SYNE1: variants seen among roughly 807,000 people sequenced by gnomAD.
SYNE1 encodes nesprin-1.
In SYNE1, 616 loss-of-function variants were observed where a neutral mutation model predicts 1,111.0. That is an observed-to-expected ratio of 0.55 (90% CI 0.52 to 0.59). SYNE1 has a LOEUF of 0.59. SYNE1 is among the 20% of genes least tolerant of loss of function. SYNE1 has a pLI of 0.00. For synonymous variants in SYNE1, 3,855 were observed against 3,825.8 expected (o/e 1.01, Z -0.28); for missense variants, 10,006 against 10,417.0 (o/e 0.96, Z 1.72).
At chr6:152,614,863 T>C (rs1158506705) in intron 3 of SYNE1, among the ~76,000 whole-genome samples, 1 of 152,214 alleles carries the variant, frequency 6.6e-6, no homozygotes, top group African/African-American at 2.4e-5. Flanking sequence ...ACCATCATTC[T>C]CAGCAAACTA....
At chr6:152,369,420 GGACGGACAAA>G (rs1302368464) in intron 60 of SYNE1, 41 bp downstream of exon 60, 1 of 1,613,456 alleles carries the variant, frequency 6.2e-7, no homozygotes, top group Middle Eastern at 1.7e-4. Context: ...GGTCGACAGA[GGACGGACAAA>G]GACTAGGTCA....
intron 56 of SYNE1, among the ~76,000 whole-genome samples, chr6:152,379,715 G>A (rs919792919): frequency 6.6e-6 from 1 of 152,166 alleles, no homozygotes; most frequent in Non-Finnish European, 1.5e-5. Context: ...CATACACAGA[G>A]GGCTGTCACA....
At chr6:152,445,036 T>A (rs1224123152) in intron 29 of SYNE1, among the ~76,000 whole-genome samples, 1 of 152,088 alleles carries the variant, frequency 6.6e-6, no homozygotes, top group East Asian at 1.9e-4. Flanking sequence ...AATTTCATAA[T>A]CATTTATGGG....
intron 5 of SYNE1, among the ~76,000 whole-genome samples, chr6:152,523,824 T>A (rs2099151743): frequency 6.6e-6 from 1 of 152,136 alleles, no homozygotes; most frequent in Non-Finnish European, 1.5e-5. Flanking sequence ...AGGAATTGAA[T>A]TACTGATACT....
chr6:152,594,439 A>C (rs1368990331), intron 3 of SYNE1, among the ~76,000 whole-genome samples: 2 of 152,154 alleles, frequency 1.3e-5, no homozygotes, highest in Non-Finnish European at 2.9e-5. Flanking sequence ...TGTTTGCTCT[A>C]TCCAAAGATG....
At chr6:152,288,306 T>C (rs1258452976) in intron 95 of SYNE1, among the ~76,000 whole-genome samples, 1 of 152,196 alleles carries the variant, frequency 6.6e-6, no homozygotes, top group African/African-American at 2.4e-5. Context: ...AAAGTCCTTG[T>C]TAGATCTCAT....
At chr6:152,391,030 T>C (rs1445984421) in intron 52 of SYNE1, among the ~76,000 whole-genome samples, 2 of 152,248 alleles carry the variant, frequency 1.3e-5, no homozygotes, top group Admixed American at 6.5e-5. Flanking sequence ...AGAGTAGATA[T>C]TCAGTAACGC....
At chr6:152,167,117 T>A (rs1156444787) in intron 130 of SYNE1, among the ~76,000 whole-genome samples, 1 of 152,192 alleles carries the variant, frequency 6.6e-6, no homozygotes, top group Non-Finnish European at 1.5e-5. Context: ...TGTAAGTCCC[T>A]GCAGCTTATG....
chr6:152,152,151 C>T lies in SYNE1; in HGVS notation c.24130-10G>A. ...CCTGTCGCTGGAAAGCCTAAGGCCA[C>T]AGAGAAGCATATCAGTGTGAGAAAT... On this transcript the variant is annotated splice_polypyrimidine_tract_variant and intron_variant, in intron 133 of 145. Coordinates refer to ENST00000367255, the MANE Select transcript of SYNE1 (RefSeq NM_182961.4). 1 of 1,613,590 alleles carries T rather than the reference C, an allele frequency of 6.2e-7. No homozygotes were observed. The highest frequency in any genetic ancestry group is 8.5e-7 in the Non-Finnish European group (1 of 1,179,780).
rs540859614 is a variant in SYNE1, at chr6:152,318,281, T to C, written c.16390-18A>G. The C allele has an allele frequency of 1.2e-6, 2 of 1,614,032 alleles. No individual in the cohort carries two copies. The highest frequency in any genetic ancestry group is 1.1e-5 in the South Asian group (1 of 91,082). The stretch of plus-strand genomic sequence containing the variant: ...CCCAGCACCTTGATGGTCACCAAAA[T>C]GAAAGAACATTAGAGTACAGAAAAT... On this transcript the variant is annotated intron_variant, in intron 85 of 145. Transcript: ENST00000367255.
intron 121 of SYNE1, among the ~76,000 whole-genome samples, chr6:152,217,222 G>A (rs1354742632): frequency 2.0e-5 from 3 of 147,972 alleles, no homozygotes; most frequent in South Asian, 2.1e-4. Flanking sequence ...ATGAAACCCC[G>A]TCTCTACTAA....
At chr6:152,622,430 C>A (rs1254464543) in intron 3 of SYNE1, among the ~76,000 whole-genome samples, 1 of 152,088 alleles carries the variant, frequency 6.6e-6, no homozygotes, top group Non-Finnish European at 1.5e-5. Context: ...AGCCTCCACC[C>A]TCCAATGGGC....
intron 103 of SYNE1, 44 bp from the exon 104 acceptor site, chr6:152,255,133 A>G (rs2090492246): frequency 7.0e-7 from 1 of 1,433,526 alleles, no homozygotes; most frequent in South Asian, 1.2e-5. Flanking sequence ...AGATACATGA[A>G]TTGATATGCA....
chr6:152,387,406 A>C, intron 53 of SYNE1, 25 bp from the exon 54 acceptor site: 1 of 1,609,654 alleles, frequency 6.2e-7, no homozygotes, highest in Non-Finnish European at 8.5e-7. Flanking sequence ...ACATATTAAC[A>C]AAAATGAATT....
intron 93 of SYNE1, among the ~76,000 whole-genome samples, chr6:152,299,633 T>C (rs1478164286): frequency 3.9e-5 from 6 of 151,970 alleles, no homozygotes; most frequent in Non-Finnish European, 8.8e-5. Flanking sequence ...TCCTGATTTT[T>C]ACCAAGAGAA....
In SYNE1 at chr6:152,326,039, A is replaced by G. The variant is rs751898242; in HGVS notation, c.15357T>C (p.Asp5119=). The G allele has an allele frequency of 6.2e-7, 1 of 1,614,158 alleles. No homozygotes were observed. Among genetic ancestry groups the G allele is most frequent in the Non-Finnish European group, 8.5e-7 (1 of 1,180,022 alleles). The change falls in exon 80 of 146, where the codon GAT becomes GAC. Residue 5119 remains aspartate, a synonymous_variant. Coordinates refer to ENST00000367255, the MANE Select transcript of SYNE1 (RefSeq NM_182961.4). Reference sequence around the variant, plus strand: ...AAAACTCAGACAATTTCTTTTCTGTATCATTCATCAATTCAATAACCTCTT... The same window carrying G: ...AAAACTCAGACAATTTCTTTTCTGTGTCATTCATCAATTCAATAACCTCTT... ...AREEVIELMN[D]TEKKLSEFSL...
intron 22 of SYNE1, chr6:152,456,879 G>A (rs565675114): frequency 1.5e-5 from 4 of 264,860 alleles, no homozygotes; most frequent in African/African-American, 9.1e-5. Context: ...CAAGAGCATG[G>A]TTTTTTTGTT....
intron 114 of SYNE1, among the ~76,000 whole-genome samples, 167 bp from the exon 115 acceptor site, chr6:152,230,869 G>A (rs2082611145): frequency 6.6e-6 from 1 of 151,682 alleles, no homozygotes; most frequent in East Asian, 1.9e-4. Flanking sequence ...GGCTTCCCTG[G>A]GCCACACTGG....
chr6:152,427,910 A>G, intron 37 of SYNE1, 94 bp from the exon 38 acceptor site: 1 of 1,544,572 alleles, frequency 6.5e-7, no homozygotes, highest in Non-Finnish European at 8.9e-7. Context: ...CACAAACCAT[A>G]GTAAATACAG....
Sources: gnomAD v4.1 joint callset for allele counts (sites outside exome capture counted in the v4.1 genomes callset) on GRCh38, gnomAD v4.1.1 for gene constraint, MANE v1.5 for transcripts, NCBI Gene and HGNC (gene_info 2026-07-23, HGNC 2026-07-21) for gene names.